The following ZNF76 variants were observed in gnomAD, a reference collection of about 807,000 sequenced individuals.
The protein encoded by ZNF76 is zinc finger protein 523.
Under a neutral mutation model 66.9 loss-of-function variants are expected in ZNF76, and 66 were observed. The observed-to-expected ratio is 0.99, with a 90% CI of 0.81 to 1.21. The LOEUF (loss-of-function observed/expected upper bound fraction) is 1.21. Ranked by LOEUF, ZNF76 falls within the 50% of genes most tolerant of loss-of-function variation. The pLI is 0.00. For synonymous variants in ZNF76, 275 were observed against 296.1 expected (o/e 0.93, Z 0.73); for missense variants, 729 against 760.3 (o/e 0.96, Z 0.48).
Position 35,294,212 on chromosome 6 carries a change from T to TA in ZNF76, c.1495-244_1495-243insA, listed in dbSNP as rs1255560956. On this transcript the variant is annotated intron_variant, in intron 12 of 13. Coordinates refer to ENST00000373953, the MANE Select transcript of ZNF76 (RefSeq NM_003427.5). ...TTTCAAGTGAGGGGATTAAAATATC[T>TA]CTGGAATTTTTTACAGCTCTGTCCT... 1.4e-5 allele frequency: 8 copies of TA among 584,454 alleles called. No individual in the cohort carries two copies. The African/African-American group carries it at 1.5e-4, about 11-fold the overall frequency. 36.2% of individuals were successfully genotyped at this position (584,454 alleles called of 1,614,324 possible).
At position 35,286,235 on chromosome 6, in the gene ZNF76, T is replaced by C. The variant is rs756346944; in HGVS notation, c.154+27T>C. 13 of 1,613,738 alleles carry C rather than the reference T, an allele frequency of 8.1e-6. No individual in the cohort carries two copies. In the Admixed American group the frequency reaches 2.2e-4, roughly 27 times the overall value. On this transcript the variant is annotated intron_variant, in intron 3 of 13. Transcript: ENST00000373953. ...TGAGGGCACCCCAACACACCATGCC[T>C]TGTCGAGGGAAGCCTGACAGCCCCC...
intron 1 of ZNF76, among the ~76,000 whole-genome samples, chr6:35,274,733 GT>G (rs923011365): frequency 6.6e-5 from 10 of 152,198 alleles, no homozygotes; most frequent in African/African-American, 2.4e-4. Context: ...TAAATAAAAG[GT>G]TTTTCTAAAT....
At position 35,288,214 on chromosome 6, in the gene ZNF76, G is replaced by C. The variant is rs1789876721; in HGVS notation, c.432+369G>C. 8.6e-6 allele frequency: 4 copies of C among 463,940 alleles called. No individual in the cohort carries two copies. The East Asian group carries it at 2.3e-4, about 27-fold the overall frequency. 28.7% of individuals were successfully genotyped at this position (463,940 alleles called of 1,614,324 possible). On this transcript the variant is annotated intron_variant, in intron 5 of 13. Transcript: ENST00000373953. ...CCTCTGCACTAGCTGGGAAAGCCCT[G>C]CCAGTGACTTGTATTAGCTTTCTAG...
intron 1 of ZNF76, among the ~76,000 whole-genome samples, chr6:35,265,223 T>C (rs1430718859): frequency 8.6e-5 from 13 of 151,280 alleles, no homozygotes; most frequent in Admixed American, 8.6e-4. Flanking sequence ...GTGCCAGGAG[T>C]AGGCCAGGTG....
chr6:35,283,875 C>G (rs1789138282), intron 2 of ZNF76, among the ~76,000 whole-genome samples: 2 of 152,142 alleles, frequency 1.3e-5, no homozygotes, highest in Admixed American at 1.3e-4. Context: ...TTACCTTTAT[C>G]TCCACCTTAC....
At chr6:35,293,957 T>A (rs1302805958) in intron 12 of ZNF76, 42 bp downstream of exon 12, 1 of 1,605,906 alleles carries the variant, frequency 6.2e-7, no homozygotes. Context: ...ATTTTGTCAT[T>A]CCTTTCCATG....
intron 1 of ZNF76, among the ~76,000 whole-genome samples, chr6:35,276,325 G>A (rs1292525641): frequency 2.0e-5 from 3 of 152,224 alleles, no homozygotes; most frequent in African/African-American, 7.2e-5. Context: ...TAGACTTCTA[G>A]TCCAGGGTGG....
At chr6:35,263,480 C>T (rs889849659) in intron 1 of ZNF76, among the ~76,000 whole-genome samples, 3 of 152,166 alleles carry the variant, frequency 2.0e-5, no homozygotes, top group East Asian at 3.8e-4. Flanking sequence ...GATCCACATC[C>T]AAAAGTCTAT....
chr6:35,273,369 C>T (rs1167551323), intron 1 of ZNF76, among the ~76,000 whole-genome samples: 7 of 149,760 alleles, frequency 4.7e-5, no homozygotes, highest in Non-Finnish European at 1.0e-4. Context: ...GATGGGGTTT[C>T]GCCATGTTGG....
chr6:35,290,742 A>G (rs1361189804), intron 7 of ZNF76, 26 bp downstream of exon 7: 1 of 1,612,106 alleles, frequency 6.2e-7, no homozygotes, highest in Non-Finnish European at 8.5e-7. Flanking sequence ...GGCTGCTTCC[A>G]GTTGAGGGTG....
intron 1 of ZNF76, among the ~76,000 whole-genome samples, chr6:35,262,176 TG>T (rs1417505372): frequency 1.3e-5 from 2 of 152,228 alleles, no homozygotes; most frequent in Non-Finnish European, 2.9e-5. Flanking sequence ...AAGGCCTGTT[TG>T]TTCAGACTCT....
intron 1 of ZNF76, chr6:35,279,445 T>TG (rs1562107154): frequency 4.8e-5 from 7 of 144,820 alleles, no homozygotes; most frequent in African/African-American, 1.3e-4. Flanking sequence ...TTTTTTTTTT[T>TG]GGGACGGAGT....
intron 1 of ZNF76, among the ~76,000 whole-genome samples, chr6:35,269,915 G>C (rs1045407247): frequency 2.6e-5 from 4 of 152,120 alleles, no homozygotes; most frequent in African/African-American, 9.7e-5. Context: ...TGATGTTATA[G>C]AATGGCCTCC....
intron 1 of ZNF76, among the ~76,000 whole-genome samples, chr6:35,278,613 G>C (rs555887347): frequency 6.6e-6 from 1 of 152,374 alleles, no homozygotes; most frequent in African/African-American, 2.4e-5. Context: ...CGGTTGGTAA[G>C]TCGTGAGAAT....
At chr6:35,273,227 C>T (rs1051995771) in intron 1 of ZNF76, among the ~76,000 whole-genome samples, 3 of 151,404 alleles carry the variant, frequency 2.0e-5, no homozygotes, top group Non-Finnish European at 1.5e-5. Flanking sequence ...CTCTGGAGTG[C>T]AGTGGTGTGA....
Position 35,293,057 on chromosome 6 carries a change from G to C in ZNF76, c.1329+13G>C. 6.2e-7 allele frequency: 1 copy of C among 1,612,898 alleles called. No individual in the cohort carries two copies. Among genetic ancestry groups the C allele is most frequent in the Non-Finnish European group, 8.5e-7 (1 of 1,179,480 alleles). ...TGGTGCCCAGCAGGTACAGGCCCTG[G>C]AGGGCAGAGGTGCCATACTAGCTGG... On this transcript the variant is annotated intron_variant, in intron 11 of 13. Coordinates refer to ENST00000373953, the MANE Select transcript of ZNF76 (RefSeq NM_003427.5).
intron 2 of ZNF76, among the ~76,000 whole-genome samples, chr6:35,284,791 A>C (rs938171070): frequency 6.6e-6 from 1 of 152,116 alleles, no homozygotes; most frequent in Non-Finnish European, 1.5e-5. Context: ...GCTTACTGCA[A>C]CTTCTGCCTC....
Position 35,291,604 on chromosome 6 carries a change from C to A in ZNF76, c.798C>A (p.Phe266Leu). ...QCPFEGCGRS[F>L]TTSNIRKVHV... is the part of the protein sequence containing the mutation. ...CTTTTGAGGGCTGTGGCCGCTCCTT[C>A]ACCACATCTAACATCCGCAAGGTAC... Residue 266 changes from phenylalanine (F) to leucine (L), a missense_variant, in exon 9 of 14, where the codon TTC becomes TTA. By Grantham distance (22) the Phe-to-Leu change is conservative. Transcript: ENST00000373953. 1 of 1,614,050 alleles carries A rather than the reference C, an allele frequency of 6.2e-7. No individual in the cohort carries two copies.
intron 1 of ZNF76, among the ~76,000 whole-genome samples, chr6:35,276,260 T>C (rs1421439958): frequency 6.6e-6 from 1 of 152,188 alleles, no homozygotes; most frequent in African/African-American, 2.4e-5. Flanking sequence ...AGCATTTCAT[T>C]TTACAGATAA....
Sources: gnomAD v4.1 joint callset for allele counts (sites outside exome capture counted in the v4.1 genomes callset) on GRCh38, gnomAD v4.1.1 for gene constraint, MANE v1.5 for transcripts, NCBI Gene and HGNC (gene_info 2026-07-23, HGNC 2026-07-21) for gene names.